KLHL21: variants seen among roughly 807,000 people sequenced by gnomAD.
KLHL21 encodes the protein kelch like family member 21, also known as kelch-like protein 21.
KLHL21 carries 42 observed loss-of-function variants against 44.1 expected under a neutral mutation model. The observed-to-expected ratio is 0.95, with a 90% confidence interval of 0.74 to 1.23. The LOEUF is 1.23. KLHL21 is among the 50% of genes most tolerant of loss of function. KLHL21 has a pLI of 0.00. For synonymous variants in KLHL21, 524 were observed against 411.6 expected (o/e 1.27, Z -3.31); for missense variants, 918 against 889.1 (o/e 1.03, Z -0.41).
At chr1:6,593,965 C>CT (rs1380678872) in intron 3 of KLHL21, 1 of 1,175,214 alleles carries the variant, frequency 8.5e-7, no homozygotes, top group Non-Finnish European at 1.1e-6. Flanking sequence ...CAGTGGCCCT[C>CT]TGGGCTGAGC....
chr1:6,593,308 C>T lies in KLHL21; in HGVS notation c.*57G>A. Reference sequence around the variant, plus strand: ...TCCTTGTGCACAAAGGAGTGGGGCACTGCCCCGCAGAGGTGCCAGTTACCT... The same window carrying T: ...TCCTTGTGCACAAAGGAGTGGGGCATTGCCCCGCAGAGGTGCCAGTTACCT... On this transcript the variant is annotated 3_prime_UTR_variant, in exon 4 of 4. Transcript: ENST00000377658. 1 of 1,485,540 alleles carries T rather than the reference C, an allele frequency of 6.7e-7. No homozygotes were observed. The highest frequency in any genetic ancestry group is 2.3e-5 in the East Asian group (1 of 43,872). 92.0% of individuals were successfully genotyped at this position (1,485,540 alleles called of 1,614,324 possible).
At chr1:6,597,602 C>A (rs568093282) in intron 2 of KLHL21, among the ~76,000 whole-genome samples, 1 of 152,252 alleles carries the variant, frequency 6.6e-6, no homozygotes, top group East Asian at 1.9e-4. Context: ...GCAACGCCAC[C>A]CCTGTTCTTC....
rs1405196006 is a variant in KLHL21, at chr1:6,593,238, G to C, written c.*127C>G. 3.1e-5 allele frequency: 32 copies of C among 1,035,906 alleles called. 1 individual carries two copies. The allele number at this position is 1,035,906 out of a possible 1,614,324, so 64.2% of individuals were successfully genotyped here. ...CTTCCAGGTAATGGATCCTGGGCTG[G>C]CTTCGCCACCCAAGAGCCTGTGCTC... On this transcript the variant is annotated 3_prime_UTR_variant, in exon 4 of 4. Coordinates refer to ENST00000377658, the MANE Select transcript of KLHL21 (RefSeq NM_014851.4).
chr1:6,598,429 G>A (rs1403947813), intron 2 of KLHL21, among the ~76,000 whole-genome samples: 2 of 152,104 alleles, frequency 1.3e-5, no homozygotes, highest in Admixed American at 6.6e-5. Flanking sequence ...AATCAGCCAG[G>A]CATGGTGGCA....
chr1:6,598,476 A>G (rs1640958972), intron 2 of KLHL21, among the ~76,000 whole-genome samples: 1 of 152,022 alleles, frequency 6.6e-6, no homozygotes, highest in Non-Finnish European at 1.5e-5. Context: ...AGGCTGAGGC[A>G]GGAGAATGGC....
intron 2 of KLHL21, among the ~76,000 whole-genome samples, chr1:6,596,231 T>A (rs1489166491): frequency 6.6e-6 from 1 of 152,146 alleles, no homozygotes; most frequent in East Asian, 1.9e-4. Context: ...AAACCCCGTC[T>A]CTAGTGAAAA....
rs759053469 is a variant in KLHL21 at position 6,602,002 on chromosome 1, G to C, written c.816C>G (p.Pro272=). ...AARYDRHDRG[P]CPRMRPRPST... is the part of the protein sequence containing the mutation. ...ACGGGCGAGGACGCATTCGGGGACA[G>C]GGCCCGCGGTCGTGGCGGTCGTAGC... is the stretch of plus-strand genomic sequence containing the variant. Residue 272 remains proline, a synonymous_variant, in exon 1 of 4, where the codon CCC becomes CCG. Coordinates refer to ENST00000377658, the MANE Select transcript of KLHL21 (RefSeq NM_014851.4). 9.7e-6 allele frequency: 15 copies of C among 1,544,696 alleles called. No homozygotes were observed. In the East Asian group the frequency reaches 3.0e-4, roughly 30 times the overall value.
At chr1:6,601,661 A>T (rs1557436583) in intron 1 of KLHL21, 136 bp downstream of exon 1, 1 of 1,344,254 alleles carries the variant, frequency 7.4e-7, no homozygotes, top group Non-Finnish European at 9.8e-7. Context: ...AGAGACATGT[A>T]GTCACCAGAG....
chr1:6,599,525 C>A (rs937589225), intron 1 of KLHL21, 73 bp from the exon 2 acceptor site: 4 of 1,451,964 alleles, frequency 2.8e-6, no homozygotes, highest in Non-Finnish European at 3.7e-6. Flanking sequence ...CCCGAACTTC[C>A]GCAAGGGCCT....
intron 2 of KLHL21, among the ~76,000 whole-genome samples, chr1:6,598,740 A>G (rs1031828416): frequency 4.6e-5 from 7 of 152,074 alleles, no homozygotes; most frequent in East Asian, 1.9e-4. Context: ...AAAATTAGCC[A>G]GGCATGGTGG....
At position 6,595,576 on chromosome 1, in the gene KLHL21, GA is replaced by G; in HGVS notation, c.1428-20del. On this transcript the variant is annotated intron_variant, in intron 2 of 3. Coordinates refer to ENST00000377658, the MANE Select transcript of KLHL21 (RefSeq NM_014851.4). ...GTCATCCCTGTGGAGGGGGCAGCAG[GA>G]GGACAACTGCTCAGAGCGAGGAGGA... is the stretch of plus-strand genomic sequence containing the variant. The G allele has an allele frequency of 6.2e-7, 1 of 1,608,746 alleles. No individual in the cohort carries two copies. Among genetic ancestry groups the G allele is most frequent in the Non-Finnish European group, 8.5e-7 (1 of 1,176,310 alleles).
At chr1:6,596,185 G>A (rs1640925539) in intron 2 of KLHL21, among the ~76,000 whole-genome samples, 1 of 152,370 alleles carries the variant, frequency 6.6e-6, no homozygotes, top group East Asian at 1.9e-4. Context: ...GAGTGCCTGA[G>A]GTCAGGAGTT....
rs180787547 is a variant in KLHL21 at position 6,597,779 on chromosome 1, G to A, written c.1427+1268C>T. Among the ~76,000 whole-genome samples, 336 of 152,370 alleles carry A rather than the reference G, an allele frequency of 2.2e-3. 1 individual carries two copies. Among genetic ancestry groups the A allele is most frequent in the African/African-American group, 7.6e-3 (317 of 41,588 alleles). On this transcript the variant is annotated intron_variant, in intron 2 of 3. Transcript: ENST00000377658. ...AAGCCCCAGCACGAAAGGGCACAGT[G>A]GGGACTGTCATTCAGTTCTTCCCCT...
chr1:6,594,881 A>C (rs1050543988), intron 3 of KLHL21: 2 of 153,138 alleles, frequency 1.3e-5, no homozygotes, highest in Admixed American at 6.5e-5. Flanking sequence ...TTTTAAGAAT[A>C]TCCTTTTGTA....
chr1:6,594,052 C>T (rs1056341688), intron 3 of KLHL21: 8 of 1,025,400 alleles, frequency 7.8e-6, no homozygotes, highest in African/African-American at 1.7e-5. Context: ...GGCTCTGAAC[C>T]GCGAGGCTGG....
At chr1:6,599,734 C>G (rs1265754086) in intron 1 of KLHL21, 1 of 472,554 alleles carries the variant, frequency 2.1e-6, no homozygotes, top group Non-Finnish European at 3.8e-6. Context: ...GGACACCGCC[C>G]CCCAGCCATA....
In KLHL21 at chr1:6,591,089, C is replaced by T. The variant is rs965218870; in HGVS notation, c.*2276G>A. On this transcript the variant is annotated 3_prime_UTR_variant, in exon 4 of 4. Coordinates refer to ENST00000377658, the MANE Select transcript of KLHL21 (RefSeq NM_014851.4). ...CTTAAGTGGTGGAGACATGACAGCCCAGAACCCACAGCAGAGGGAAACTGG... is the reference window on the plus strand; with the variant it reads ...CTTAAGTGGTGGAGACATGACAGCCTAGAACCCACAGCAGAGGGAAACTGG... 3 of 398,436 alleles carry T rather than the reference C, an allele frequency of 7.5e-6. No individual in the cohort carries two copies. The highest frequency in any genetic ancestry group is 6.2e-5 in the African/African-American group (3 of 48,654). The allele number at this position is 398,436 out of a possible 1,614,324, so 24.7% of individuals were successfully genotyped here.
chr1:6,599,349 G>A lies in KLHL21; in HGVS notation c.1125C>T (p.His375=), dbSNP rs937458501. ...VAPMLKAREY[H]SSSVLDGLLY... The stretch of plus-strand genomic sequence containing the variant: ...GCAGTCCGTCCAGCACAGAGGAGCT[G>A]TGGTACTCGCGGGCCTTCAGCATGG... The change falls in exon 2 of 4, where the codon CAC becomes CAT. Residue 375 remains histidine, a synonymous_variant. Transcript: ENST00000377658. The A allele has an allele frequency of 3.7e-6, 6 of 1,613,804 alleles. No individual in the cohort carries two copies. The highest frequency in any genetic ancestry group is 5.1e-6 in the Non-Finnish European group (6 of 1,180,040).
Position 6,602,849 on chromosome 1 carries a change from G to C in KLHL21, c.-32C>G. On this transcript the variant is annotated 5_prime_UTR_variant, in exon 1 of 4. Coordinates refer to ENST00000377658, the MANE Select transcript of KLHL21 (RefSeq NM_014851.4). ...TTCGATAGGTTGTCGAGGACGCCGC[G>C]GCCGGGGCCTGCGGAGAGACGCGGC... The C allele has an allele frequency of 3.6e-6, 5 of 1,394,970 alleles. No homozygotes were observed. Among genetic ancestry groups the C allele is most frequent in the Non-Finnish European group, 4.6e-6 (5 of 1,083,978 alleles). The allele number at this position is 1,394,970 out of a possible 1,614,324, so 86.4% of individuals were successfully genotyped here. A position where few individuals can be genotyped will look rare whatever the true frequency, so the allele number is the denominator to read the frequency against.
Sources: gnomAD v4.1 joint callset for allele counts (sites outside exome capture counted in the v4.1 genomes callset) on GRCh38, gnomAD v4.1.1 for gene constraint, MANE v1.5 for transcripts, NCBI Gene and HGNC (gene_info 2026-07-23, HGNC 2026-07-21) for gene names.